Variants in RNF220 observed in about 807,000 individuals in gnomAD.
The protein encoded by RNF220 is E3 ubiquitin-protein ligase RNF220.
A neutral mutation model predicts 67.1 loss-of-function variants in RNF220; 7 were observed. The ratio of observed to expected loss-of-function variants is 0.10; its 90% CI spans 0.06 to 0.20. RNF220 has a LOEUF of 0.20. Ranked by LOEUF, RNF220 falls within the 10% of genes least tolerant of loss-of-function variation. The pLI is 1.00. For synonymous variants in RNF220, 270 were observed against 283.2 expected, an observed-to-expected ratio of 0.95 and a Z score of 0.47; for missense variants, 565 against 740.3, an observed-to-expected ratio of 0.76 and a Z score of 2.75.
chr1:44,474,031 C>T (rs1655053587), intron 2 of RNF220, among the ~76,000 whole-genome samples: 1 of 152,010 alleles, frequency 6.6e-6, no homozygotes, highest in Admixed American at 6.6e-5. Flanking sequence ...TCCGCATCCA[C>T]AGATTCTACC....
At chr1:44,558,670 A>G (rs270764) in intron 2 of RNF220, among the ~76,000 whole-genome samples, 48,081 of 152,108 alleles carry the variant, frequency 0.32, 7,878 homozygotes, top group Middle Eastern at 0.43. Context: ...ACCTCCCCCA[A>G]GATCACGCAG....
intron 2 of RNF220, among the ~76,000 whole-genome samples, chr1:44,422,612 C>T (rs1649352877): frequency 6.6e-6 from 1 of 152,222 alleles, no homozygotes; most frequent in Admixed American, 6.5e-5. Flanking sequence ...CCACTGTCCT[C>T]TTCATGAGAA....
intron 5 of RNF220, 157 bp from the exon 6 acceptor site, chr1:44,632,186 G>A: frequency 6.3e-7 from 1 of 1,581,500 alleles, no homozygotes; most frequent in Non-Finnish European, 8.6e-7. Flanking sequence ...CGGAGGAGCA[G>A]AGGGGCCGGC....
Position 44,535,602 on chromosome 1 carries a change from A to G in RNF220, c.626-78563A>G, listed in dbSNP as rs534332929. Among the ~76,000 whole-genome samples the G allele has an allele frequency of 3.3e-5, 5 of 152,352 alleles. No homozygotes were observed. The East Asian group carries it at 9.6e-4, about 29-fold the overall frequency. On this transcript the variant is annotated intron_variant, in intron 2 of 14. Transcript: ENST00000361799. ...CATCCACTATGGATCTCTAAAGGAA[A>G]TGTGGCTGTTCATGTTAGTCTTTGA...
intron 2 of RNF220, among the ~76,000 whole-genome samples, chr1:44,573,844 T>C (rs1220689345): frequency 6.6e-6 from 1 of 152,222 alleles, no homozygotes; most frequent in African/African-American, 2.4e-5. Flanking sequence ...CTGGGCGTGG[T>C]GGCTCACCCC....
chr1:44,602,904 G>A (rs1204414366), intron 2 of RNF220, among the ~76,000 whole-genome samples: 3 of 152,048 alleles, frequency 2.0e-5, no homozygotes, highest in South Asian at 4.1e-4. Context: ...TGTCGACAGC[G>A]TGATTGATTG....
intron 2 of RNF220, among the ~76,000 whole-genome samples, chr1:44,504,907 A>G (rs1434693248): frequency 1.3e-5 from 2 of 152,082 alleles, no homozygotes; most frequent in Admixed American, 6.5e-5. Flanking sequence ...CCTCAGGGCC[A>G]TTTCAGATTG....
chr1:44,512,433 G>C (rs530880106), intron 2 of RNF220, among the ~76,000 whole-genome samples: 2 of 152,174 alleles, frequency 1.3e-5, no homozygotes, highest in Non-Finnish European at 2.9e-5. Context: ...CACACAATTT[G>C]GATGTGGAGC....
At chr1:44,534,405 T>C (rs948281141) in intron 2 of RNF220, among the ~76,000 whole-genome samples, 3 of 152,164 alleles carry the variant, frequency 2.0e-5, no homozygotes, top group Non-Finnish European at 4.4e-5. Flanking sequence ...ACATGTGCCA[T>C]GTTGGTGTGC....
chr1:44,501,515 G>A (rs1195452349), intron 2 of RNF220, among the ~76,000 whole-genome samples: 1 of 148,696 alleles, frequency 6.7e-6, no homozygotes, highest in African/African-American at 2.6e-5. Flanking sequence ...CCCAGGTGGA[G>A]GAAGGCTGGG....
At chr1:44,614,964 C>T (rs1643481681) in intron 3 of RNF220, among the ~76,000 whole-genome samples, 1 of 152,212 alleles carries the variant, frequency 6.6e-6, no homozygotes, top group Non-Finnish European at 1.5e-5. Context: ...AGATAAGGCA[C>T]AGAGGAGATG....
At chr1:44,609,963 G>A (rs1667547528) in intron 2 of RNF220, among the ~76,000 whole-genome samples, 1 of 152,234 alleles carries the variant, frequency 6.6e-6, no homozygotes, top group South Asian at 2.1e-4. Flanking sequence ...TCTTGGAGCT[G>A]GAGTTGCCCT....
chr1:44,595,978 A>T lies in RNF220; in HGVS notation c.626-18187A>T, dbSNP rs375924095. 4.6e-5 allele frequency among the ~76,000 whole-genome samples: 7 copies of T among 152,090 alleles called. No individual in the cohort carries two copies. The East Asian group carries it at 1.4e-3, about 30-fold the overall frequency. ...ACGGGGTTTTGCCGTGTTAGCCAGG[A>T]TGGTCTCGATCTCCTGACCTCATGA... is the stretch of plus-strand genomic sequence containing the variant. On this transcript the variant is annotated intron_variant, in intron 2 of 14. Transcript: ENST00000361799.
At chr1:44,410,519 G>A (rs768363411) in intron 1 of RNF220, 5 of 152,200 alleles carry the variant, frequency 3.3e-5, no homozygotes, top group Non-Finnish European at 7.3e-5. Flanking sequence ...GCCAAATGAG[G>A]AAGCAGTCTG....
intron 2 of RNF220, among the ~76,000 whole-genome samples, chr1:44,474,164 C>G (rs1655069009): frequency 6.6e-6 from 1 of 152,018 alleles, no homozygotes; most frequent in South Asian, 2.1e-4. Context: ...TACCTGAGGT[C>G]AGGAGTTCAA....
rs150753576 is a variant in RNF220, at chr1:44,462,074, C to A, written c.625+49352C>A. Among the ~76,000 whole-genome samples the A allele has an allele frequency of 6.2e-3, 934 of 151,686 alleles. 11 individuals are homozygous for A. The highest frequency in any genetic ancestry group is 0.021 in the African/African-American group (884 of 41,340). On this transcript the variant is annotated intron_variant, in intron 2 of 14. Transcript: ENST00000361799. ...TCCCAAGTAGCTGGGATTACAGGGG[C>A]ACACCACTATGCCCGGCTAATTTTT...
At chr1:44,506,409 C>T (rs1237691209) in intron 2 of RNF220, among the ~76,000 whole-genome samples, 2 of 152,214 alleles carry the variant, frequency 1.3e-5, no homozygotes, top group East Asian at 1.9e-4. Context: ...TGGCACTGGC[C>T]GCCATGTGCC....
In RNF220 at chr1:44,611,433, C is replaced by T. The variant is rs1408741012; in HGVS notation, c.626-2732C>T. On this transcript the variant is annotated intron_variant, in intron 2 of 14. Transcript: ENST00000361799. ...TAAGAACCAGACTTGGTGTACCAGG[C>T]TAATGGGGGCTGAACCCCTGATATT... 2.0e-5 allele frequency among the ~76,000 whole-genome samples: 3 copies of T among 152,218 alleles called. No individual in the cohort carries two copies. The East Asian group carries it at 5.8e-4, about 29-fold the overall frequency.
intron 2 of RNF220, among the ~76,000 whole-genome samples, chr1:44,451,495 A>T (rs901247159): frequency 6.6e-6 from 1 of 152,184 alleles, no homozygotes; most frequent in Non-Finnish European, 1.5e-5. Context: ...GGTTCTCTCC[A>T]TTACATTATG....
Sources: allele counts gnomAD v4.1 joint callset (sites outside exome capture counted in the v4.1 genomes callset), GRCh38; gene constraint gnomAD v4.1.1; transcripts MANE v1.5; gene names NCBI Gene and HGNC (gene_info 2026-07-23, HGNC 2026-07-21).